PIP5K1B: variants seen among roughly 807,000 people sequenced by gnomAD.
PIP5K1B encodes the protein phosphatidylinositol 4-phosphate 5-kinase type-1 beta.
In PIP5K1B, 42 loss-of-function variants were observed where a neutral mutation model predicts 67.0. The observed-to-expected ratio is 0.63, with a 90% CI of 0.49 to 0.81. The LOEUF (loss-of-function observed/expected upper bound fraction) is 0.81. PIP5K1B is among the 30% of genes least tolerant of loss of function. The pLI is 0.00. For missense variants in PIP5K1B, 459 were observed against 646.3 expected (o/e 0.71, Z 3.14); for synonymous variants, 214 against 231.4 (o/e 0.92, Z 0.68).
intron 2 of PIP5K1B, among the ~76,000 whole-genome samples, chr9:68,777,951 G>A (rs1831002190): frequency 6.6e-6 from 1 of 152,100 alleles, no homozygotes; most frequent in Non-Finnish European, 1.5e-5. Context: ...TTGAACTTCA[G>A]TCATTTGTGT....
At chr9:68,876,831 G>A (rs776097941) in intron 6 of PIP5K1B, 37 bp downstream of exon 6, 3 of 1,025,548 alleles carry the variant, frequency 2.9e-6, no homozygotes, top group African/African-American at 1.6e-5. Flanking sequence ...CTATAGAAAT[G>A]TGTGATGTAA....
chr9:68,799,592 T>G (rs1197868037), intron 2 of PIP5K1B, among the ~76,000 whole-genome samples: 1 of 152,126 alleles, frequency 6.6e-6, no homozygotes, highest in Non-Finnish European at 1.5e-5. Flanking sequence ...AACCCATACA[T>G]ATACAATCAA....
intron 12 of PIP5K1B, among the ~76,000 whole-genome samples, chr9:68,932,640 G>A (rs1045695996): frequency 6.6e-6 from 1 of 152,114 alleles, no homozygotes; most frequent in Admixed American, 6.6e-5. Context: ...TGACATCACA[G>A]GTCATGTAAC....
At chr9:68,831,965 C>T (rs778823321) in intron 4 of PIP5K1B, among the ~76,000 whole-genome samples, 86 of 152,370 alleles carry the variant, frequency 5.6e-4, no homozygotes, top group Non-Finnish European at 7.6e-4. Flanking sequence ...GCGTGAGCCA[C>T]GCCCCAACTA....
In PIP5K1B at chr9:68,985,846, A is replaced by G. The variant is rs117031146; in HGVS notation, c.1503-5294A>G. On this transcript the variant is annotated intron_variant, in intron 14 of 15. Transcript: ENST00000265382. ...ATTTGTCTGTTCTTAGACATTTTGC[A>G]TAAATGAAATTATGTAATATGTGGT... is the stretch of plus-strand genomic sequence containing the variant. Among the ~76,000 whole-genome samples, 1,486 of 152,354 alleles carry G rather than the reference A, an allele frequency of 9.8e-3. 9 individuals carry two copies. Among genetic ancestry groups the G allele is most frequent in the Middle Eastern group, 0.034 (10 of 294 alleles).
chr9:68,804,434 C>T (rs1171900836), intron 2 of PIP5K1B, among the ~76,000 whole-genome samples: 3 of 151,906 alleles, frequency 2.0e-5, no homozygotes, highest in Non-Finnish European at 2.9e-5. Context: ...GGGCAGGTAG[C>T]GGACTTAAGG....
At chr9:68,921,516 G>A (rs1438832437) in intron 11 of PIP5K1B, among the ~76,000 whole-genome samples, 1 of 152,032 alleles carries the variant, frequency 6.6e-6, no homozygotes. Context: ...TCAATTTCCT[G>A]TTACCAGATG....
intron 2 of PIP5K1B, among the ~76,000 whole-genome samples, chr9:68,799,696 G>C (rs1832492015): frequency 6.6e-6 from 1 of 152,196 alleles, no homozygotes; most frequent in African/African-American, 2.4e-5. Context: ...ATATGTGAAA[G>C]AATGAAACTG....
intron 6 of PIP5K1B, among the ~76,000 whole-genome samples, chr9:68,880,564 CACACACACACACACACACACACACGCAT>C (rs1368399963): frequency 0.016 from 842 of 53,414 alleles, 5 homozygotes; most frequent in Non-Finnish European, 0.03. Context: ...GAAACACACA[CACACACACACACACACACACACACGCAT>C]ACACACACAC....
intron 2 of PIP5K1B, among the ~76,000 whole-genome samples, chr9:68,754,394 C>T (rs1326734532): frequency 6.6e-6 from 1 of 151,884 alleles, no homozygotes; most frequent in Non-Finnish European, 1.5e-5. Flanking sequence ...TGGTCTCAAT[C>T]TCCCGACCTC....
chr9:68,968,715 A>ATATATTT (rs779031015), intron 14 of PIP5K1B, among the ~76,000 whole-genome samples: 6 of 142,210 alleles, frequency 4.2e-5, no homozygotes, highest in African/African-American at 1.6e-4. Flanking sequence ...ATATATATAT[A>ATATATTT]TTTTTTTTTT....
At chr9:68,886,681 G>T (rs1213211023) in intron 6 of PIP5K1B, among the ~76,000 whole-genome samples, 5 of 152,224 alleles carry the variant, frequency 3.3e-5, no homozygotes, top group African/African-American at 1.2e-4. Context: ...CAGAGCAAGT[G>T]CTGCCTCAGC....
chr9:68,967,633 C>T (rs1206518546), intron 14 of PIP5K1B, among the ~76,000 whole-genome samples: 3 of 152,176 alleles, frequency 2.0e-5, no homozygotes, highest in African/African-American at 7.2e-5. Context: ...GACACTGCTA[C>T]AGGGTGAGAA....
At chr9:68,969,473 A>G (rs2095847033) in intron 14 of PIP5K1B, among the ~76,000 whole-genome samples, 1 of 152,076 alleles carries the variant, frequency 6.6e-6, no homozygotes, top group Non-Finnish European at 1.5e-5. Flanking sequence ...TGATTGTGTC[A>G]TCATTTGATC....
At chr9:68,786,722 A>T (rs1460699623) in intron 2 of PIP5K1B, among the ~76,000 whole-genome samples, 1 of 152,032 alleles carries the variant, frequency 6.6e-6, no homozygotes, top group African/African-American at 2.4e-5. Flanking sequence ...CATTAATTTT[A>T]TTCAAAGATT....
intron 4 of PIP5K1B, among the ~76,000 whole-genome samples, chr9:68,849,795 G>A (rs1456847192): frequency 6.6e-6 from 1 of 152,166 alleles, no homozygotes; most frequent in Non-Finnish European, 1.5e-5. Flanking sequence ...GCACATTGGT[G>A]TTTTACTTTC....
intron 4 of PIP5K1B, among the ~76,000 whole-genome samples, chr9:68,840,057 C>T (rs904626259): frequency 6.6e-6 from 1 of 152,214 alleles, no homozygotes; most frequent in African/African-American, 2.4e-5. Flanking sequence ...TCGGGTGCCT[C>T]AAGTAAACAG....
chr9:68,735,614 T>TC (rs1371698722), intron 1 of PIP5K1B, among the ~76,000 whole-genome samples: 2 of 152,220 alleles, frequency 1.3e-5, no homozygotes, highest in Non-Finnish European at 2.9e-5. Context: ...GGTCTCGAAC[T>TC]CCTGGACTCA....
At chr9:68,991,084 G>T in intron 14 of PIP5K1B, 56 bp from the exon 15 acceptor site, 1 of 980,654 alleles carries the variant, frequency 1.0e-6, no homozygotes. Context: ...CTTTGGAGGT[G>T]TCTTTAGATT....
Sources: allele counts gnomAD v4.1 joint callset (sites outside exome capture counted in the v4.1 genomes callset), GRCh38; gene constraint gnomAD v4.1.1; transcripts MANE v1.5; gene names NCBI Gene and HGNC (gene_info 2026-07-23, HGNC 2026-07-21).